SLC22A25: variants seen among roughly 807,000 people sequenced by gnomAD.
The protein encoded by SLC22A25 is MGI:2442751, MGI:2385316, MGI:3042283, MGI:3645714, MGI:3605624, MGI:2442750.
SLC22A25 carries 44 observed loss-of-function variants against 45.9 expected under a neutral mutation model. The ratio of observed to expected loss-of-function variants is 0.96; its 90% confidence interval spans 0.75 to 1.23. The LOEUF is 1.23. Among genes scored for constraint, SLC22A25 ranks in the 50% most tolerant of loss-of-function variants. The pLI is 0.00. For missense variants in SLC22A25, 800 were observed against 666.4 expected (o/e 1.20, Z -2.21); for synonymous variants, 283 against 238.6 (o/e 1.19, Z -1.72).
At chr11:63,235,416 C>T (rs895789485) in intron 3 of SLC22A25, among the ~76,000 whole-genome samples, 1 of 152,182 alleles carries the variant, frequency 6.6e-6, no homozygotes, top group African/African-American at 2.4e-5. Flanking sequence ...CACTCATACC[C>T]TTTCTTCCAG....
chr11:63,243,449 G>T lies in SLC22A25; in HGVS notation c.-1011C>A. 1 of 755,128 alleles carries T rather than the reference G, an allele frequency of 1.3e-6. No individual in the cohort carries two copies. The highest frequency in any genetic ancestry group is 1.4e-5 in the South Asian group (1 of 73,708). The allele number at this position is 755,128 out of a possible 1,614,324, so 46.8% of individuals were successfully genotyped here. A position where few individuals can be genotyped will look rare whatever the true frequency, so the allele number is the denominator to read the frequency against. On this transcript the variant is annotated 5_prime_UTR_variant, in exon 1 of 12. Transcript: ENST00000306494. Reference sequence around the variant, plus strand: ...CACGATTTACCTGGACTGTTTCTTCGCCAGGATCCCAACTTCAAAGTCCCA... The same window carrying T: ...CACGATTTACCTGGACTGTTTCTTCTCCAGGATCCCAACTTCAAAGTCCCA...
At chr11:63,220,686 G>C (rs1407958611) in intron 5 of SLC22A25, among the ~76,000 whole-genome samples, 5 of 152,146 alleles carry the variant, frequency 3.3e-5, no homozygotes, top group Non-Finnish European at 4.4e-5. Flanking sequence ...CAGTCACCGT[G>C]TTGTGTGATC....
At chr11:63,219,080 A>T (rs1006417717) in intron 5 of SLC22A25, among the ~76,000 whole-genome samples, 2 of 152,226 alleles carry the variant, frequency 1.3e-5, no homozygotes, top group African/African-American at 4.8e-5. Flanking sequence ...ACCTTCATAT[A>T]TAGTAGCTAT....
At chr11:63,205,163 T>C (rs1211167778) in intron 7 of SLC22A25, among the ~76,000 whole-genome samples, 1 of 152,146 alleles carries the variant, frequency 6.6e-6, no homozygotes, top group African/African-American at 2.4e-5. Context: ...TTTAAAACAG[T>C]GTTTAGAGGG....
intron 5 of SLC22A25, among the ~76,000 whole-genome samples, chr11:63,220,686 G>A (rs1407958611): frequency 6.6e-6 from 1 of 152,146 alleles, no homozygotes; most frequent in African/African-American, 2.4e-5. Flanking sequence ...CAGTCACCGT[G>A]TTGTGTGATC....
chr11:63,162,827 A>T lies in SLC22A25; in HGVS notation c.*997T>A, dbSNP rs1261300271. ...TATCTTGTTATTTATTTATTTTCTA[A>T]ATTTTAGTAGTATCTAGAAATGGTC... On this transcript the variant is annotated 3_prime_UTR_variant, in exon 12 of 12. Transcript: ENST00000306494. Among the ~76,000 whole-genome samples, 1 of 152,092 alleles carries T rather than the reference A, an allele frequency of 6.6e-6. No individual in the cohort carries two copies. Among genetic ancestry groups the T allele is most frequent in the Non-Finnish European group, 1.5e-5 (1 of 68,006 alleles).
intron 7 of SLC22A25, among the ~76,000 whole-genome samples, chr11:63,211,916 C>T (rs2089575756): frequency 6.6e-6 from 1 of 152,072 alleles, no homozygotes; most frequent in Non-Finnish European, 1.5e-5. Flanking sequence ...GCAATCTACT[C>T]ATCTGACAAA....
intron 7 of SLC22A25, among the ~76,000 whole-genome samples, chr11:63,207,801 G>A (rs769260380): frequency 9.9e-5 from 15 of 152,160 alleles, no homozygotes; most frequent in Non-Finnish European, 1.5e-4. Flanking sequence ...AACTCAAGTC[G>A]TAAAACATGT....
intron 7 of SLC22A25, among the ~76,000 whole-genome samples, chr11:63,195,399 A>C (rs1220126328): frequency 3.3e-5 from 5 of 152,134 alleles, no homozygotes; most frequent in Admixed American, 3.3e-4. Flanking sequence ...ATCACAACAA[A>C]CTGTCTCTCA....
chr11:63,182,190 C>T (rs911000301), intron 8 of SLC22A25, among the ~76,000 whole-genome samples: 17 of 152,184 alleles, frequency 1.1e-4, no homozygotes, highest in African/African-American at 4.1e-4. Context: ...GAATCCACAT[C>T]CTAAACCAAT....
intron 5 of SLC22A25, among the ~76,000 whole-genome samples, chr11:63,220,893 T>G (rs1336187666): frequency 6.6e-6 from 1 of 152,226 alleles, no homozygotes; most frequent in Non-Finnish European, 1.5e-5. Context: ...TTTCTTTTAC[T>G]GGCTTATTTC....
intron 7 of SLC22A25, among the ~76,000 whole-genome samples, chr11:63,200,687 G>A (rs990550007): frequency 6.6e-6 from 1 of 152,076 alleles, no homozygotes; most frequent in African/African-American, 2.4e-5. Flanking sequence ...GAAATAAAGG[G>A]CATCCAAATA....
At chr11:63,179,680 G>C (rs2088248392) in intron 9 of SLC22A25, among the ~76,000 whole-genome samples, 1 of 152,034 alleles carries the variant, frequency 6.6e-6, no homozygotes, top group Non-Finnish European at 1.5e-5. Context: ...GGTTGGGCTA[G>C]AAAAAAACTA....
At position 63,220,111 on chromosome 11, in the gene SLC22A25, C is replaced by T. The variant is rs1368366183; in HGVS notation, c.507-2376G>A. On this transcript the variant is annotated intron_variant, in intron 5 of 11. Transcript: ENST00000306494. ...GACAATATTGTCCTTAGATTACTTA[C>T]CTTTTGTTGTAAGGTAGAGGTTGTA... 5.5e-6 allele frequency: 5 copies of T among 906,460 alleles called. No individual in the cohort carries two copies. The East Asian group carries it at 3.1e-4, about 56-fold the overall frequency. 56.2% of individuals were successfully genotyped at this position (906,460 alleles called of 1,614,324 possible).
chr11:63,220,536 A>C (rs750137671), intron 5 of SLC22A25, among the ~76,000 whole-genome samples: 3 of 152,182 alleles, frequency 2.0e-5, no homozygotes, highest in Non-Finnish European at 4.4e-5. Context: ...AGAGATTTTG[A>C]AACAGACATA....
chr11:63,225,030 C>T (rs370727643), intron 5 of SLC22A25, among the ~76,000 whole-genome samples: 73 of 152,220 alleles, frequency 4.8e-4, no homozygotes, highest in East Asian at 3.5e-3. Context: ...ACCCAGGAGG[C>T]GGAGCTTGCA....
Position 63,162,044 on chromosome 11 carries a change from T to G in SLC22A25, c.*1780A>C, listed in dbSNP as rs2087540558. 6.6e-6 allele frequency among the ~76,000 whole-genome samples: 1 copy of G among 152,232 alleles called. No individual in the cohort carries two copies. Among genetic ancestry groups the G allele is most frequent in the African/African-American group, 2.4e-5 (1 of 41,470 alleles). On this transcript the variant is annotated 3_prime_UTR_variant, in exon 12 of 12. Transcript: ENST00000306494. ...CAATGATGTTCAGCACTTTTTCCTA[T>G]GACTGTTTGACATCTGTATGTCTTC...
At chr11:63,173,898 TC>T (rs1337735612) in intron 9 of SLC22A25, among the ~76,000 whole-genome samples, 2 of 123,048 alleles carry the variant, frequency 1.6e-5, no homozygotes, top group African/African-American at 7.0e-5. Context: ...GATTTTCTTT[TC>T]TTTTTTTTTT....
intron 7 of SLC22A25, among the ~76,000 whole-genome samples, chr11:63,204,814 A>G (rs1349595628): frequency 6.6e-6 from 1 of 152,228 alleles, no homozygotes; most frequent in African/African-American, 2.4e-5. Flanking sequence ...AGCCAACCTA[A>G]TAGACATCTA....
Sources: gnomAD v4.1 joint callset for allele counts (sites outside exome capture counted in the v4.1 genomes callset) on GRCh38, gnomAD v4.1.1 for gene constraint, MANE v1.5 for transcripts, NCBI Gene and HGNC (gene_info 2026-07-23, HGNC 2026-07-21) for gene names.